RALGDS: variants seen among roughly 807,000 people sequenced by gnomAD.
The protein encoded by RALGDS is ral guanine nucleotide exchange factor.
In RALGDS, 44 loss-of-function variants were observed where a neutral mutation model predicts 99.8. The ratio of observed to expected loss-of-function variants is 0.44; its 90% CI spans 0.35 to 0.57. The LOEUF (loss-of-function observed/expected upper bound fraction) is 0.57. Among genes scored for constraint, RALGDS ranks in the 20% least tolerant of loss-of-function variants. The pLI is 0.01. For synonymous variants in RALGDS, 529 were observed against 505.0 expected (o/e 1.05, Z -0.64); for missense variants, 1,022 against 1,203.1 (o/e 0.85, Z 2.23).
chr9:133,099,724 G>C (rs559679288), intron 17 of RALGDS: 18 of 172,086 alleles, frequency 1.0e-4, no homozygotes, highest in African/African-American at 4.3e-4. Flanking sequence ...ATTTCCATTT[G>C]GGGGATGAGA....
Position 133,102,143 on chromosome 9 carries a change from G to T in RALGDS, c.2010-4C>A, listed in dbSNP as rs1371915347. 6.4e-7 allele frequency: 1 copy of T among 1,560,766 alleles called. No homozygotes were observed. The highest frequency in any genetic ancestry group is 1.9e-5 in the Admixed American group (1 of 52,228). ...CTCAGTGCTGGGGGCCTGGCGGCTGGGTGAAGAGTTGGCTTAGTTAAGGGG... is the reference window on the plus strand; with the variant it reads ...CTCAGTGCTGGGGGCCTGGCGGCTGTGTGAAGAGTTGGCTTAGTTAAGGGG... On this transcript the variant is annotated splice_polypyrimidine_tract_variant and splice_region_variant and intron_variant, in intron 14 of 17. Coordinates refer to ENST00000372050, the MANE Select transcript of RALGDS (RefSeq NM_006266.4).
intron 17 of RALGDS, chr9:133,099,228 G>A (rs1298858266): frequency 5.9e-6 from 1 of 170,294 alleles, no homozygotes; most frequent in African/African-American, 2.4e-5. Context: ...ACTTCCTTTT[G>A]GCTCCATTTC....
chr9:133,114,246 G>T (rs965439930), intron 1 of RALGDS, among the ~76,000 whole-genome samples: 4 of 152,228 alleles, frequency 2.6e-5, no homozygotes, highest in Non-Finnish European at 1.5e-5. Context: ...CACAGTCGGG[G>T]AGACGCTCTA....
At chr9:133,128,528 A>G (rs1310545259) in intron 1 of RALGDS, among the ~76,000 whole-genome samples, 1 of 152,070 alleles carries the variant, frequency 6.6e-6, no homozygotes, top group Non-Finnish European at 1.5e-5. Context: ...GTCAGCCGCC[A>G]TCCTGGCCCC....
chr9:133,098,427 C>CA lies in RALGDS; in HGVS notation c.*159dup. ...CCACGGGAGGCCAGGTCAGCCTGAC[C>CA]AATGGCAGGCGTCAATCCCAGCAGC... is the stretch of plus-strand genomic sequence containing the variant. On this transcript the variant is annotated 3_prime_UTR_variant, in exon 18 of 18. Coordinates refer to ENST00000372050, the MANE Select transcript of RALGDS (RefSeq NM_006266.4). 7 of 764,318 alleles carry CA rather than the reference C, an allele frequency of 9.2e-6. No individual in the cohort carries two copies. The highest frequency in any genetic ancestry group is 1.5e-5 in the Non-Finnish European group (7 of 463,334). The allele number at this position is 764,318 out of a possible 1,614,324, so 47.3% of individuals were successfully genotyped here.
intron 11 of RALGDS, 30 bp from the exon 12 acceptor site, chr9:133,103,292 A>G (rs150923157): frequency 6.2e-7 from 1 of 1,613,832 alleles, no homozygotes; most frequent in Non-Finnish European, 8.5e-7. Flanking sequence ...TGGCCGTCAG[A>G]AAGTGACCCC....
upstream of RALGDS, among the ~76,000 whole-genome samples, chr9:133,123,539 CG>C (rs797009098): frequency 2.0e-4 from 31 of 152,216 alleles, no homozygotes; most frequent in African/African-American, 6.0e-4. Context: ...GGAGCCAGGG[CG>C]GGGGAGGGCG....
At chr9:133,104,466 C>T (rs561791819) in intron 9 of RALGDS, 135 bp from the exon 10 acceptor site, 9 of 814,292 alleles carry the variant, frequency 1.1e-5, no homozygotes, top group South Asian at 6.0e-5. Flanking sequence ...GGTCCTGGGC[C>T]GGTGGCCTGG....
At chr9:133,132,959 G>C (rs77490153), upstream of RALGDS, among the ~76,000 whole-genome samples, 939 of 152,278 alleles carry the variant, frequency 6.2e-3, 10 homozygotes, top group African/African-American at 0.022. Flanking sequence ...CTTTCATAGT[G>C]GGGGTGGGGG....
At chr9:133,106,255 G>A (rs953449469) in intron 8 of RALGDS, among the ~76,000 whole-genome samples, 3 of 151,870 alleles carry the variant, frequency 2.0e-5, no homozygotes, top group Non-Finnish European at 4.4e-5. Flanking sequence ...TTTTTTTGGA[G>A]ACAGTTTCAG....
chr9:133,109,357 G>A, intron 4 of RALGDS, among the ~76,000 whole-genome samples: 1 of 152,212 alleles, frequency 6.6e-6, no homozygotes, highest in South Asian at 2.1e-4. Flanking sequence ...GGCCCACTGA[G>A]CCAAGGCCAG....
At chr9:133,113,649 T>C (rs535123104) in intron 1 of RALGDS, among the ~76,000 whole-genome samples, 1 of 152,054 alleles carries the variant, frequency 6.6e-6, no homozygotes, top group South Asian at 2.1e-4. Flanking sequence ...CTCACACATC[T>C]CTCCCCTGCC....
chr9:133,118,129 G>A (rs1831706480), intron 1 of RALGDS, among the ~76,000 whole-genome samples: 1 of 152,186 alleles, frequency 6.6e-6, no homozygotes, highest in African/African-American at 2.4e-5. Context: ...AGCAAGAGGG[G>A]AACCTGAGGG....
At chr9:133,111,552 AT>A (rs1166114540) in intron 2 of RALGDS, among the ~76,000 whole-genome samples, 3 of 152,198 alleles carry the variant, frequency 2.0e-5, no homozygotes, top group African/African-American at 7.2e-5. Flanking sequence ...AAATGCTGGG[AT>A]TACAGGCATG....
At chr9:133,106,487 T>G (rs1286289286) in intron 8 of RALGDS, among the ~76,000 whole-genome samples, 158 bp downstream of exon 8, 1 of 152,118 alleles carries the variant, frequency 6.6e-6, no homozygotes, top group African/African-American at 2.4e-5. Flanking sequence ...TCTGACAGCT[T>G]AGGAAGCCGA....
In RALGDS at chr9:133,109,757, C is replaced by T. The variant is rs371079040; in HGVS notation, c.489-36G>A. 4.8e-5 allele frequency: 75 copies of T among 1,573,726 alleles called. No homozygotes were observed. In the Admixed American group the frequency reaches 6.5e-4, roughly 14 times the overall value. ...CGTCTAGTGTTACTGTCTGACTCTC[C>T]GACTAGAACGGAGGCCCAGGAGGGC... On this transcript the variant is annotated intron_variant, in intron 3 of 17. Transcript: ENST00000372050.
rs766588898 is a variant in RALGDS at position 133,102,122 on chromosome 9, G to A, written c.2027C>T (p.Thr676Ile). The A allele has an allele frequency of 3.8e-6, 6 of 1,570,672 alleles. No individual in the cohort carries two copies. The South Asian group carries it at 4.7e-5, about 12-fold the overall frequency. ...KRWSDRQAPS[T>I]ELSTSGSSHS... Reference sequence around the variant, plus strand: ...GGAGCTGCCACTGGTACTGAGCTCAGTGCTGGGGGCCTGGCGGCTGGGTGA... The same window carrying A: ...GGAGCTGCCACTGGTACTGAGCTCAATGCTGGGGGCCTGGCGGCTGGGTGA... The change falls in exon 15 of 18, where the codon ACT becomes ATT. Residue 676 changes from threonine to isoleucine, a missense_variant. Physicochemically the swap from Thr to Ile is moderately conservative, Grantham distance 89. Coordinates refer to ENST00000372050, the MANE Select transcript of RALGDS (RefSeq NM_006266.4).
upstream of RALGDS, among the ~76,000 whole-genome samples, chr9:133,133,935 C>T (rs748820974): frequency 7.9e-5 from 12 of 152,194 alleles, no homozygotes; most frequent in Non-Finnish European, 1.3e-4. Flanking sequence ...AGTGACTCCT[C>T]GCGAAGCTGT....
Position 133,106,648 on chromosome 9 carries a change from G to T in RALGDS, c.1514C>A (p.Ser505Tyr). Residue 505 changes from serine to tyrosine, a missense_variant, in exon 8 of 18, where the codon TCC becomes TAC. Transcript: ENST00000372050. The part of the protein sequence containing the change: ...HRLKKTWEDV[S>Y]RDSFRIFQKL... ...GCTCCTACAGAGGCATGCCCACCTG[G>T]AAACGTCTTCCCACGTCTTCTTCAG... 1 of 1,606,410 alleles carries T rather than the reference G, an allele frequency of 6.2e-7. No individual in the cohort carries two copies. The highest frequency in any genetic ancestry group is 1.1e-5 in the South Asian group (1 of 90,176).
Sources: gnomAD v4.1 joint callset for allele counts (sites outside exome capture counted in the v4.1 genomes callset) on GRCh38, gnomAD v4.1.1 for gene constraint, MANE v1.5 for transcripts, NCBI Gene and HGNC (gene_info 2026-07-23, HGNC 2026-07-21) for gene names.